CNTNAP3B: variants seen among roughly 807,000 people sequenced by gnomAD.
CNTNAP3B encodes contactin associated protein family member 3B.
In CNTNAP3B, 25 loss-of-function variants were observed where a neutral mutation model predicts 108.9. That is an observed-to-expected ratio of 0.23 (90% confidence interval 0.17 to 0.32). The LOEUF (loss-of-function observed/expected upper bound fraction) is 0.32. Among genes scored for constraint, CNTNAP3B ranks in the 10% least tolerant of loss-of-function variants. CNTNAP3B has a pLI of 1.00. For missense variants in CNTNAP3B, 252 were observed against 1,210.4 expected (o/e 0.21, Z 11.75); for synonymous variants, 103 against 473.4 (o/e 0.22, Z 10.16).
At chr9:41,942,370 G>A (rs983980473) in intron 13 of CNTNAP3B, among the ~76,000 whole-genome samples, 3 of 152,372 alleles carry the variant, frequency 2.0e-5, no homozygotes, top group Non-Finnish European at 1.5e-5. Context: ...CAGCATTTTG[G>A]GAGGCTGAGG....
At chr9:41,966,362 T>C (rs1825274595) in intron 10 of CNTNAP3B, among the ~76,000 whole-genome samples, 1 of 152,308 alleles carries the variant, frequency 6.6e-6, no homozygotes, top group Admixed American at 6.5e-5. Context: ...ATCTAGAGAC[T>C]ATCAACATGT....
chr9:41,952,291 A>C (rs1398071873), intron 13 of CNTNAP3B, among the ~76,000 whole-genome samples: 1 of 152,298 alleles, frequency 6.6e-6, no homozygotes, highest in Non-Finnish European at 1.5e-5. Context: ...TTGTTTTTTT[A>C]AGACAAGGTG....
chr9:41,935,521 A>G (rs1824131067), intron 14 of CNTNAP3B, among the ~76,000 whole-genome samples: 2 of 152,410 alleles, frequency 1.3e-5, no homozygotes, highest in Admixed American at 1.3e-4. Flanking sequence ...ACAATTATAA[A>G]TCTTTTCATT....
In CNTNAP3B at chr9:41,929,815, T is replaced by A. The variant is rs1350413419; in HGVS notation, c.2238-371A>T. Among the ~76,000 whole-genome samples the A allele has an allele frequency of 4.0e-5, 6 of 150,036 alleles. No homozygotes were observed. The East Asian group carries it at 9.7e-4, about 24-fold the overall frequency. The stretch of plus-strand genomic sequence containing the variant: ...GAAATATTCTTTTTATTTTTCAACC[T>A]TTTAAAAATGTAAAGAAAACATTCT... On this transcript the variant is annotated intron_variant, in intron 14 of 23. Coordinates refer to ENST00000377561, the MANE Select transcript of CNTNAP3B (RefSeq NM_001201380.3).
rs1255764857 is a variant in CNTNAP3B at position 41,930,400 on chromosome 9, G to T, written c.2238-956C>A. 4.6e-5 allele frequency among the ~76,000 whole-genome samples: 7 copies of T among 152,414 alleles called. No individual in the cohort carries two copies. The East Asian group carries it at 1.2e-3, about 25-fold the overall frequency. On this transcript the variant is annotated intron_variant, in intron 14 of 23. Transcript: ENST00000377561. ...TCTACAAAAAATACAAAAATTAGCTGGGTGTGATGGTGCACACCTGTAGTC... is the reference window on the plus strand; with the variant it reads ...TCTACAAAAAATACAAAAATTAGCTTGGTGTGATGGTGCACACCTGTAGTC...
At chr9:42,059,818 G>A in intron 3 of CNTNAP3B, among the ~76,000 whole-genome samples, 1 of 102,810 alleles carries the variant, frequency 9.7e-6, no homozygotes, top group African/African-American at 3.9e-5. Flanking sequence ...TCAAACCACT[G>A]GAGTCAAGTG....
At chr9:41,934,456 T>C (rs1321581258) in intron 14 of CNTNAP3B, among the ~76,000 whole-genome samples, 33 of 152,336 alleles carry the variant, frequency 2.2e-4, no homozygotes, top group South Asian at 4.1e-4. Flanking sequence ...CTTCTGACCT[T>C]GTGATCTGCC....
chr9:41,985,745 ATAAG>A (rs1825693630), intron 9 of CNTNAP3B, among the ~76,000 whole-genome samples: 2 of 102,624 alleles, frequency 1.9e-5, no homozygotes, highest in African/African-American at 8.6e-5. Context: ...ACTTAAATAT[ATAAG>A]TAATATTTTA....
chr9:41,929,948 A>G (rs1823928736), intron 14 of CNTNAP3B, among the ~76,000 whole-genome samples: 1 of 152,140 alleles, frequency 6.6e-6, no homozygotes, highest in South Asian at 2.1e-4. Context: ...GATTACAGAG[A>G]AGGGGAAAAA....
chr9:41,925,157 C>T (rs1255544838), intron 15 of CNTNAP3B, among the ~76,000 whole-genome samples: 6 of 150,722 alleles, frequency 4.0e-5, no homozygotes, highest in South Asian at 2.1e-4. Flanking sequence ...CACAACTTTA[C>T]CCAGTTTAAA....
intron 1 of CNTNAP3B, among the ~76,000 whole-genome samples, chr9:42,116,323 T>C (rs1828316070): frequency 1.5e-5 from 2 of 129,520 alleles, no homozygotes; most frequent in Admixed American, 1.6e-4. Context: ...ACAGCGGATC[T>C]CTCGGCAGAA....
Position 42,099,036 on chromosome 9 carries a change from T to C in CNTNAP3B, c.196+5593A>G, listed in dbSNP as rs1250549111. ...CACCTCTAGTTTCCCTGCTTTACTC[T>C]TTTCCTAAGAAATCAGTACCTGAGC... is the stretch of plus-strand genomic sequence containing the variant. On this transcript the variant is annotated intron_variant, in intron 2 of 23. Coordinates refer to ENST00000377561, the MANE Select transcript of CNTNAP3B (RefSeq NM_001201380.3). Among the ~76,000 whole-genome samples, 2 of 138,362 alleles carry C rather than the reference T, an allele frequency of 1.4e-5. 1 individual carries two copies. Among genetic ancestry groups the C allele is most frequent in the Non-Finnish European group, 3.1e-5 (2 of 64,770 alleles). The allele number at this position is 138,362 out of a possible 152,430, so 90.8% of individuals were successfully genotyped here.
intron 3 of CNTNAP3B, among the ~76,000 whole-genome samples, chr9:42,036,139 C>G (rs1480012369): frequency 6.7e-6 from 1 of 149,736 alleles, no homozygotes; most frequent in Non-Finnish European, 1.5e-5. Context: ...CTCCTGACCT[C>G]AAGCACTCTT....
chr9:41,937,350 C>T (rs1435166222), intron 14 of CNTNAP3B, among the ~76,000 whole-genome samples: 4 of 151,854 alleles, frequency 2.6e-5, no homozygotes, highest in African/African-American at 9.7e-5. Flanking sequence ...TGGTCTCAAC[C>T]TTCTGACCTC....
chr9:42,030,582 C>T (rs1233883686), intron 3 of CNTNAP3B, among the ~76,000 whole-genome samples: 1 of 55,692 alleles, frequency 1.8e-5, no homozygotes, highest in African/African-American at 8.6e-5. Context: ...AGGTTCCTTC[C>T]ATCTGGTCTG....
At chr9:42,038,621 T>C (rs1826682389) in intron 3 of CNTNAP3B, among the ~76,000 whole-genome samples, 1 of 117,590 alleles carries the variant, frequency 8.5e-6, no homozygotes, top group Non-Finnish European at 1.7e-5. Flanking sequence ...AGCACCCAGA[T>C]TCATAAAGCA....
chr9:42,049,324 T>C (rs1826932200), intron 3 of CNTNAP3B, among the ~76,000 whole-genome samples: 2 of 140,006 alleles, frequency 1.4e-5, no homozygotes, highest in South Asian at 4.6e-4. Context: ...TGACTCTTTC[T>C]GATTTTCATT....
At chr9:41,954,321 T>C (rs1377685928) in intron 12 of CNTNAP3B, among the ~76,000 whole-genome samples, 2 of 152,288 alleles carry the variant, frequency 1.3e-5, no homozygotes, top group Non-Finnish European at 2.9e-5. Flanking sequence ...CATCTCAGGA[T>C]TTTTAATGGC....
chr9:41,968,148 T>C (rs1825337422), intron 10 of CNTNAP3B, among the ~76,000 whole-genome samples: 1 of 151,982 alleles, frequency 6.6e-6, no homozygotes, highest in South Asian at 2.1e-4. Context: ...TCACAATATA[T>C]ATCTCATAAC....
Sources: gnomAD v4.1 joint callset for allele counts (sites outside exome capture counted in the v4.1 genomes callset) on GRCh38, gnomAD v4.1.1 for gene constraint, MANE v1.5 for transcripts, NCBI Gene and HGNC (gene_info 2026-07-23, HGNC 2026-07-21) for gene names.